The following CSMD2 variants were observed in gnomAD, a reference collection of about 807,000 sequenced individuals.
CSMD2 encodes CUB and Sushi multiple domains 2, also known as CUB and sushi domain-containing protein 2.
Under a neutral mutation model 398.5 loss-of-function variants are expected in CSMD2, and 130 were observed. The ratio of observed to expected loss-of-function variants is 0.33; its 90% confidence interval spans 0.28 to 0.38. The LOEUF (loss-of-function observed/expected upper bound fraction) is 0.38. Among genes scored for constraint, CSMD2 ranks in the 10% least tolerant of loss-of-function variants. The pLI is 1.00. For missense variants in CSMD2, 3,829 were observed against 4,764.9 expected (o/e 0.80, Z 5.78); for synonymous variants, 1,828 against 1,908.5 (o/e 0.96, Z 1.10).
intron 5 of CSMD2, among the ~76,000 whole-genome samples, chr1:33,885,824 G>A (rs1187548601): frequency 6.6e-6 from 1 of 152,158 alleles, no homozygotes; most frequent in Non-Finnish European, 1.5e-5. Context: ...ATTGGGACTG[G>A]TGAGTGGTTA....
rs554653009 is a variant in CSMD2, at chr1:33,537,244, C to T, written c.9806-149G>A. 5.4e-6 allele frequency: 6 copies of T among 1,116,858 alleles called. No individual in the cohort carries two copies. The East Asian group carries it at 7.2e-5, about 13-fold the overall frequency. The allele number at this position is 1,116,858 out of a possible 1,614,324, so 69.2% of individuals were successfully genotyped here. A position where few individuals can be genotyped will look rare whatever the true frequency, so the allele number is the denominator to read the frequency against. On this transcript the variant is annotated intron_variant, in intron 61 of 70. Transcript: ENST00000373381. This position sits in a 1 kb window ranked among gnomAD's most constrained non-coding sequence, Gnocchi z 4.6. ...ATCCCCACCTGAGCCTTGGCCCTGGCTGTCTATTTGACTCCTCGAAGCACA... is the reference window on the plus strand; with the variant it reads ...ATCCCCACCTGAGCCTTGGCCCTGGTTGTCTATTTGACTCCTCGAAGCACA...
At chr1:33,677,905 CA>C (rs1213971385) in intron 25 of CSMD2, among the ~76,000 whole-genome samples, 1 of 130,766 alleles carries the variant, frequency 7.6e-6, no homozygotes, top group East Asian at 2.2e-4. Context: ...GGGAATTGAA[CA>C]ATGAGAACAC....
At chr1:34,084,730 A>G (rs1182989212) in intron 2 of CSMD2, among the ~76,000 whole-genome samples, 1 of 151,958 alleles carries the variant, frequency 6.6e-6, no homozygotes, top group Non-Finnish European at 1.5e-5. Context: ...TCAGGAAACA[A>G]CAGGTGCTGG....
chr1:34,093,781 A>T (rs1401063038), intron 1 of CSMD2, among the ~76,000 whole-genome samples: 1 of 152,048 alleles, frequency 6.6e-6, no homozygotes, highest in Non-Finnish European at 1.5e-5. Context: ...TCTACGTCCG[A>T]TTGGTGTATC....
intron 2 of CSMD2, among the ~76,000 whole-genome samples, chr1:34,060,482 G>C (rs1358921866): frequency 6.6e-6 from 1 of 152,172 alleles, no homozygotes; most frequent in African/African-American, 2.4e-5. Context: ...GGGCCCCTGG[G>C]GGAGGACAGG....
At position 33,514,368 on chromosome 1, in the gene CSMD2, T is replaced by A. The variant is rs1381767899; in HGVS notation, c.*2256A>T. 6.8e-6 allele frequency: 1 copy of A among 146,326 alleles called. No homozygotes were observed. Among genetic ancestry groups the A allele is most frequent in the Non-Finnish European group, 1.5e-5 (1 of 66,042 alleles). 9.1% of individuals were successfully genotyped at this position (146,326 alleles called of 1,614,324 possible). ...AAGATTTTTTTTGTCTTTGTTTTACTTTTTTTTTTTTCCTCATGGGATGGT... is the reference window on the plus strand; with the variant it reads ...AAGATTTTTTTTGTCTTTGTTTTACATTTTTTTTTTTCCTCATGGGATGGT... On this transcript the variant is annotated 3_prime_UTR_variant, in exon 71 of 71. Transcript: ENST00000373381.
At chr1:33,768,770 C>T (rs1483694389) in intron 13 of CSMD2, among the ~76,000 whole-genome samples, 1 of 152,052 alleles carries the variant, frequency 6.6e-6, no homozygotes, top group East Asian at 1.9e-4. Flanking sequence ...CCTGAGCACC[C>T]AAGGATCCAA....
chr1:33,979,154 T>A (rs1368643148), intron 3 of CSMD2, among the ~76,000 whole-genome samples: 3 of 152,148 alleles, frequency 2.0e-5, no homozygotes. Flanking sequence ...CCCTTCTCTG[T>A]CTTTCTGAGG....
chr1:34,132,044 TA>T (rs1663403383), intron 1 of CSMD2, among the ~76,000 whole-genome samples: 1 of 152,024 alleles, frequency 6.6e-6, no homozygotes, highest in Non-Finnish European at 1.5e-5. Context: ...AGACAATTCC[TA>T]AAAACAGCAC....
At position 33,518,603 on chromosome 1, in the gene CSMD2, G is replaced by C. The variant is rs77523386; in HGVS notation, c.*53+862C>G. Among the ~76,000 whole-genome samples, 6,302 of 152,210 alleles carry C rather than the reference G, an allele frequency of 0.041. 433 individuals carry two copies. Among genetic ancestry groups the C allele is most frequent in the African/African-American group, 0.14 (5,811 of 41,506 alleles). On this transcript the variant is annotated intron_variant, in intron 70 of 70. Coordinates refer to ENST00000373381, the MANE Select transcript of CSMD2 (RefSeq NM_001281956.2). The surrounding 1 kb of genome is among the most constrained non-coding windows in gnomAD (Gnocchi z 4.3). ...GATAAAATTAACTTTGAAATCAGTA[G>C]ACTTTGAGTCTCCATAATGTGTGTG...
chr1:33,714,492 C>T, intron 21 of CSMD2, 95 bp downstream of exon 21: 1 of 1,434,804 alleles, frequency 7.0e-7, no homozygotes, highest in South Asian at 1.3e-5. Context: ...CTAAGTCAGC[C>T]TCTTGGCCTG....
intron 1 of CSMD2, among the ~76,000 whole-genome samples, chr1:34,137,227 A>G (rs1344303832): frequency 6.6e-6 from 1 of 151,902 alleles, no homozygotes; most frequent in African/African-American, 2.4e-5. Flanking sequence ...ATCCCACCCC[A>G]TAGCCTAGAC....
intron 5 of CSMD2, chr1:33,873,580 G>A (rs1640626500): frequency 6.6e-6 from 1 of 152,204 alleles, no homozygotes; most frequent in African/African-American, 2.4e-5. Flanking sequence ...GAGAAGAACT[G>A]AGGGCTGTCT....
At chr1:34,088,902 G>A (rs796614273) in intron 2 of CSMD2, 75 bp downstream of exon 2, 11 of 1,253,294 alleles carry the variant, frequency 8.8e-6, no homozygotes, top group East Asian at 4.7e-5. Flanking sequence ...CTTTTCACTC[G>A]AGAAAGATCT....
intron 12 of CSMD2, 93 bp downstream of exon 12, chr1:33,788,507 C>CAAA (rs57878978): frequency 2.0e-3 from 1,031 of 520,680 alleles, no homozygotes; most frequent in African/African-American, 3.1e-3. Context: ...GACTCCGTCT[C>CAAA]AAAAAAAAAA....
rs376130807 is a variant in CSMD2 at position 33,581,670 on chromosome 1, C to T, written c.7241-771G>A. ...TCGGGGTCATAAGTAACAGAGCTCC[C>T]TAATACTGCTTTTGAAAGCTCTTTG... is the stretch of plus-strand genomic sequence containing the variant. On this transcript the variant is annotated intron_variant, in intron 47 of 70. Coordinates refer to ENST00000373381, the MANE Select transcript of CSMD2 (RefSeq NM_001281956.2). Among the ~76,000 whole-genome samples, 4 of 152,062 alleles carry T rather than the reference C, an allele frequency of 2.6e-5. No homozygotes were observed. In the East Asian group the frequency reaches 5.8e-4, roughly 22 times the overall value.
At chr1:33,557,613 TGCAGACACAC>T (rs1332292964) in intron 55 of CSMD2, 111 bp downstream of exon 55, 1 of 801,142 alleles carries the variant, frequency 1.2e-6, no homozygotes, top group South Asian at 2.0e-5. Flanking sequence ...CTCATACATG[TGCAGACACAC>T]ACACACACAC....
Position 33,524,944 on chromosome 1 carries a change from A to G in CSMD2, c.10334T>C (p.Val3445Ala). 1 of 1,614,232 alleles carries G rather than the reference A, an allele frequency of 6.2e-7. No individual in the cohort carries two copies. Among genetic ancestry groups the G allele is most frequent in the African/African-American group, 1.3e-5 (1 of 75,078 alleles). ...PAMLRVTGFQ[V>A]ANSKVNATMI... is the part of the protein sequence containing the mutation. ...GGTGGCATTGACCTTGCTGTTGGCA[A>G]CTTGGAAGCCAGTCACTCTGAGCAT... The change falls in exon 66 of 71, where the codon GTT becomes GCT. Residue 3445 changes from valine to alanine, a missense_variant. Val to Ala is a moderately conservative substitution (Grantham distance 64). Around this residue, in one of 5 missense-constraint regions of CSMD2, gnomAD observed 917 missense variants for 1,199.5 expected, o/e 0.76. Transcript: ENST00000373381.
intron 3 of CSMD2, among the ~76,000 whole-genome samples, chr1:34,018,863 C>G (rs1174342647): frequency 6.6e-6 from 1 of 152,222 alleles, no homozygotes; most frequent in Non-Finnish European, 1.5e-5. Flanking sequence ...AGTCTGATCA[C>G]TAATCTTTTC....
Sources: gnomAD v4.1 joint callset for allele counts (sites outside exome capture counted in the v4.1 genomes callset) on GRCh38, gnomAD v4.1.1 for gene constraint, gnomAD v4.1.1 regional missense constraint, Gnocchi (gnomAD v3.1) non-coding constraint, MANE v1.5 for transcripts, NCBI Gene and HGNC (gene_info 2026-07-23, HGNC 2026-07-21) for gene names.